Variants in MARK2 observed in about 807,000 individuals in gnomAD.
MARK2 encodes microtubule affinity regulating kinase 2, also known as serine/threonine-protein kinase MARK2.
MARK2 carries 16 observed loss-of-function variants against 89.8 expected under a neutral mutation model. The observed-to-expected ratio is 0.18, with a 90% CI of 0.12 to 0.27. The LOEUF (loss-of-function observed/expected upper bound fraction) is 0.27, where lower values mean the gene tolerates loss of function less well. Among genes scored for constraint, MARK2 ranks in the 10% least tolerant of loss-of-function variants. MARK2 has a pLI of 1.00. For missense variants in MARK2, 621 were observed against 1,049.9 expected, an observed-to-expected ratio of 0.59 and a Z score of 5.65; for synonymous variants, 382 against 399.5, an observed-to-expected ratio of 0.96 and a Z score of 0.52.
intron 1 of MARK2, among the ~76,000 whole-genome samples, chr11:63,892,096 A>T (rs1444664343): frequency 6.6e-6 from 1 of 152,224 alleles, no homozygotes; most frequent in Non-Finnish European, 1.5e-5. Flanking sequence ...GTGGGCTGGA[A>T]TGAGCAGACA....
chr11:63,858,294 G>A (rs1326881942), intron 1 of MARK2, among the ~76,000 whole-genome samples: 1 of 151,830 alleles, frequency 6.6e-6, no homozygotes, highest in Non-Finnish European at 1.5e-5. Context: ...AGGATTACGG[G>A]CATGAGCCAC....
At chr11:63,845,547 C>T (rs1283514579) in intron 1 of MARK2, among the ~76,000 whole-genome samples, 1 of 152,164 alleles carries the variant, frequency 6.6e-6, no homozygotes. Flanking sequence ...CATTTTCTCC[C>T]TTCTGTCTCT....
At chr11:63,859,669 TCG>T (rs376962263) in intron 1 of MARK2, among the ~76,000 whole-genome samples, 13 of 151,820 alleles carry the variant, frequency 8.6e-5, no homozygotes, top group African/African-American at 3.1e-4. Flanking sequence ...TCCCACTCTG[TCG>T]CCCAGGCTGG....
intron 1 of MARK2, among the ~76,000 whole-genome samples, chr11:63,846,627 G>A (rs1157406834): frequency 6.7e-6 from 1 of 149,696 alleles, no homozygotes; most frequent in Non-Finnish European, 1.5e-5. Context: ...TAGGATTATA[G>A]GCATGAGTCA....
chr11:63,858,394 C>T (rs1227673296), intron 1 of MARK2, among the ~76,000 whole-genome samples: 3 of 150,956 alleles, frequency 2.0e-5, no homozygotes, highest in Non-Finnish European at 4.4e-5. Flanking sequence ...GTGTCTCACT[C>T]TATCACCCAG....
In MARK2 at chr11:63,908,847, C is replaced by T. The variant is rs1489132326; in HGVS notation, c.2007-30C>T. 8 of 1,436,024 alleles carry T rather than the reference C, an allele frequency of 5.6e-6. No homozygotes were observed. In the African/African-American group the frequency reaches 1.0e-4, roughly 18 times the overall value. The allele number at this position is 1,436,024 out of a possible 1,614,324, so 89.0% of individuals were successfully genotyped here. ...CCTGGGGTGGGGTGCCTCAGCCCCC[C>T]CGTGACGCCCGCCTCTGCCCTCTCC... On this transcript the variant is annotated intron_variant, in intron 18 of 18. Transcript: ENST00000402010.
Position 63,903,233 on chromosome 11 carries a change from G to A in MARK2, c.1514+75G>A, listed in dbSNP as rs894214760. 22 of 1,150,634 alleles carry A rather than the reference G, an allele frequency of 1.9e-5. No individual in the cohort carries two copies. Among genetic ancestry groups the A allele is most frequent in the South Asian group, 6.2e-5 (5 of 81,270 alleles). 71.3% of individuals were successfully genotyped at this position (1,150,634 alleles called of 1,614,324 possible). A position where few individuals can be genotyped will look rare whatever the true frequency, so the allele number is the denominator to read the frequency against. On this transcript the variant is annotated intron_variant, in intron 14 of 18. Coordinates refer to ENST00000402010, the MANE Select transcript of MARK2 (RefSeq NM_001039469.3). This position sits in a 1 kb window ranked among gnomAD's most constrained non-coding sequence, Gnocchi z 5.1. ...CAGGGTGATGTCTGTCAGCAGCACC[G>A]TCTCCTGTCCCTGCCAGCGCATTGC...
rs148611591 is a variant in MARK2, at chr11:63,853,024, C to T, written c.54+13464C>T. ...GAGAGACGAATGAAGTCTTGAACAG[C>T]TGACATTCCTGAATGCCCACTGGAT... On this transcript the variant is annotated intron_variant, in intron 1 of 18. Transcript: ENST00000402010. Among the ~76,000 whole-genome samples, 6 of 152,356 alleles carry T rather than the reference C, an allele frequency of 3.9e-5. No homozygotes were observed. In the East Asian group the frequency reaches 1.2e-3, roughly 29 times the overall value.
Position 63,902,969 on chromosome 11 carries a change from G to A in MARK2, c.1417-92G>A, listed in dbSNP as rs1499641. 3.9e-3 allele frequency: 4,655 copies of A among 1,198,562 alleles called. 113 individuals are homozygous for A. In the African/African-American group the frequency reaches 0.056, roughly 14 times the overall value. 74.2% of individuals were successfully genotyped at this position (1,198,562 alleles called of 1,614,324 possible). ...ACCACTGTCTGCTTCAGGTGGAAGG[G>A]ACAGGAAGCCTGTTCCATGAACCTG... On this transcript the variant is annotated intron_variant, in intron 13 of 18. Transcript: ENST00000402010. The surrounding 1 kb of genome is among the most constrained non-coding windows in gnomAD (Gnocchi z 4.2).
At chr11:63,848,021 C>T (rs1451286727) in intron 1 of MARK2, among the ~76,000 whole-genome samples, 1 of 152,216 alleles carries the variant, frequency 6.6e-6, no homozygotes, top group African/African-American at 2.4e-5. Flanking sequence ...TCTTTGGCAG[C>T]TTACAGGGAC....
At chr11:63,846,000 G>A (rs1400993174) in intron 1 of MARK2, among the ~76,000 whole-genome samples, 1 of 151,876 alleles carries the variant, frequency 6.6e-6, no homozygotes, top group African/African-American at 2.4e-5. Flanking sequence ...TGGGATTACA[G>A]GAGTGAGCCA....
At chr11:63,844,875 T>C (rs1338751520) in intron 1 of MARK2, among the ~76,000 whole-genome samples, 2 of 152,238 alleles carry the variant, frequency 1.3e-5, no homozygotes, top group Admixed American at 1.3e-4. Flanking sequence ...CTGGCTGGCA[T>C]TTCTCTTCTC....
chr11:63,839,728 G>C (rs1024430131), intron 1 of MARK2, among the ~76,000 whole-genome samples, 168 bp downstream of exon 1: 1 of 152,038 alleles, frequency 6.6e-6, no homozygotes, highest in Non-Finnish European at 1.5e-5. Context: ...TCCGAGTCCT[G>C]ACCTGGGACC....
At chr11:63,876,355 A>G (rs1309678780) in intron 1 of MARK2, among the ~76,000 whole-genome samples, 1 of 152,236 alleles carries the variant, frequency 6.6e-6, no homozygotes, top group East Asian at 1.9e-4. Flanking sequence ...CAACCTACAG[A>G]ATAAGTTGGG....
chr11:63,864,812 A>G (rs2135249075), intron 1 of MARK2, among the ~76,000 whole-genome samples: 1 of 147,772 alleles, frequency 6.8e-6, no homozygotes, highest in East Asian at 2.2e-4. Flanking sequence ...GGATTTTGAG[A>G]CCAGCCTGGG....
At chr11:63,859,180 A>T (rs138606494) in intron 1 of MARK2, among the ~76,000 whole-genome samples, 436 of 152,262 alleles carry the variant, frequency 2.9e-3, no homozygotes, top group African/African-American at 1.0e-2. Flanking sequence ...GGTGCCTACA[A>T]TAGCTGAGAG....
At chr11:63,894,744 G>T (rs958289349) in intron 1 of MARK2, among the ~76,000 whole-genome samples, 1 of 152,102 alleles carries the variant, frequency 6.6e-6, no homozygotes, top group Non-Finnish European at 1.5e-5. Flanking sequence ...GTTTTGGGTG[G>T]CGATGAGGGC....
At chr11:63,877,377 C>T (rs1938831151) in intron 1 of MARK2, among the ~76,000 whole-genome samples, 1 of 152,162 alleles carries the variant, frequency 6.6e-6, no homozygotes, top group Non-Finnish European at 1.5e-5. Context: ...TCCCAGAGTG[C>T]TGGGATTACA....
intron 1 of MARK2, among the ~76,000 whole-genome samples, chr11:63,859,926 G>T (rs114872488): frequency 0.016 from 2,478 of 152,122 alleles, 72 homozygotes; most frequent in African/African-American, 0.057. Context: ...CACCACATCC[G>T]GCCTCTAACC....
Sources: gnomAD v4.1 joint callset for allele counts (sites outside exome capture counted in the v4.1 genomes callset) on GRCh38, gnomAD v4.1.1 for gene constraint, Gnocchi (gnomAD v3.1) non-coding constraint, MANE v1.5 for transcripts, NCBI Gene and HGNC (gene_info 2026-07-23, HGNC 2026-07-21) for gene names.